Variants in ARHGAP26 observed in about 807,000 individuals in gnomAD.
ARHGAP26 encodes the protein rho GTPase-activating protein 26.
ARHGAP26 carries 38 observed loss-of-function variants against 104.8 expected under a neutral mutation model. That is an observed-to-expected ratio of 0.36 (90% CI 0.28 to 0.48). The LOEUF (loss-of-function observed/expected upper bound fraction) is 0.48. Among genes scored for constraint, ARHGAP26 ranks in the 20% least tolerant of loss-of-function variants. The pLI, the probability that ARHGAP26 is intolerant of heterozygous loss-of-function variation, is 0.99. For synonymous variants in ARHGAP26, 341 were observed against 340.0 expected (o/e 1.00, Z -0.03); for missense variants, 704 against 947.9 (o/e 0.74, Z 3.38).
chr5:142,841,941 G>T (rs1260640911), intron 1 of ARHGAP26, among the ~76,000 whole-genome samples: 2 of 152,182 alleles, frequency 1.3e-5, no homozygotes, highest in African/African-American at 4.8e-5. Context: ...TGGTTTAGGG[G>T]TTCATAGACT....
intron 6 of ARHGAP26, 34 bp from the exon 7 acceptor site, chr5:142,901,901 T>C (rs752819777): frequency 6.3e-7 from 1 of 1,577,406 alleles, no homozygotes; most frequent in Admixed American, 1.7e-5. Flanking sequence ...TTCAACCTGG[T>C]TATGTGACCT....
intron 5 of ARHGAP26, among the ~76,000 whole-genome samples, chr5:142,887,999 CA>C (rs1365649637): frequency 6.6e-6 from 1 of 151,680 alleles, no homozygotes; most frequent in Non-Finnish European, 1.5e-5. Flanking sequence ...AAAAAACAAA[CA>C]AAAAAAAGAA....
At chr5:143,153,007 C>T (rs1800027080) in intron 20 of ARHGAP26, among the ~76,000 whole-genome samples, 1 of 152,092 alleles carries the variant, frequency 6.6e-6, no homozygotes, top group Non-Finnish European at 1.5e-5. Flanking sequence ...TGACACAAGT[C>T]CTGTGAGTTT....
intron 12 of ARHGAP26, among the ~76,000 whole-genome samples, chr5:143,015,832 A>G (rs957628067): frequency 6.6e-6 from 1 of 152,240 alleles, no homozygotes; most frequent in East Asian, 1.9e-4. Context: ...GATAAATCCC[A>G]ATAGATTTGA....
At chr5:143,141,859 G>A (rs1317680631) in intron 19 of ARHGAP26, among the ~76,000 whole-genome samples, 1 of 152,194 alleles carries the variant, frequency 6.6e-6, no homozygotes, top group Non-Finnish European at 1.5e-5. Flanking sequence ...TGGTGTTTTA[G>A]GGCCAGTCTT....
At chr5:143,124,918 A>G (rs1041026754) in intron 18 of ARHGAP26, among the ~76,000 whole-genome samples, 1 of 152,162 alleles carries the variant, frequency 6.6e-6, no homozygotes, top group African/African-American at 2.4e-5. Flanking sequence ...GAGCATGGGT[A>G]GCAACCCAGT....
chr5:142,778,735 A>G (rs79504133), intron 1 of ARHGAP26, among the ~76,000 whole-genome samples: 6,304 of 152,222 alleles, frequency 0.041, 257 homozygotes, highest in African/African-American at 0.1. Context: ...GATTCCTTCA[A>G]GTGGAATGGT....
intron 17 of ARHGAP26, among the ~76,000 whole-genome samples, chr5:143,111,540 T>G (rs1355459690): frequency 6.6e-6 from 1 of 152,214 alleles, no homozygotes; most frequent in African/African-American, 2.4e-5. Context: ...TGGCTCACAG[T>G]AAGTTCTCAG....
intron 11 of ARHGAP26, among the ~76,000 whole-genome samples, chr5:142,941,710 T>C (rs1038862502): frequency 6.6e-6 from 1 of 152,206 alleles, no homozygotes; most frequent in African/African-American, 2.4e-5. Context: ...GAACAATTTC[T>C]CATGAAAATT....
At chr5:143,031,352 A>G (rs1303454269) in intron 12 of ARHGAP26, among the ~76,000 whole-genome samples, 3 of 152,248 alleles carry the variant, frequency 2.0e-5, no homozygotes, top group African/African-American at 7.2e-5. Context: ...AACAAGAAGA[A>G]TAAGAAGACC....
At chr5:143,020,843 T>C (rs1326890450) in intron 12 of ARHGAP26, among the ~76,000 whole-genome samples, 1 of 152,076 alleles carries the variant, frequency 6.6e-6, no homozygotes, top group Non-Finnish European at 1.5e-5. Flanking sequence ...GGTTTCACCG[T>C]GTTAGCCAGG....
At chr5:142,788,953 A>G (rs1446990003) in intron 1 of ARHGAP26, among the ~76,000 whole-genome samples, 1 of 152,250 alleles carries the variant, frequency 6.6e-6, no homozygotes, top group Non-Finnish European at 1.5e-5. Flanking sequence ...CTATTCATTT[A>G]TAGACTAGCA....
At chr5:142,832,867 A>G (rs1768766962) in intron 1 of ARHGAP26, among the ~76,000 whole-genome samples, 1 of 152,234 alleles carries the variant, frequency 6.6e-6, no homozygotes, top group Non-Finnish European at 1.5e-5. Context: ...GGAATAGATT[A>G]TAATATTAAT....
At chr5:142,809,012 A>G (rs1324083650) in intron 1 of ARHGAP26, among the ~76,000 whole-genome samples, 4 of 152,194 alleles carry the variant, frequency 2.6e-5, no homozygotes, top group Non-Finnish European at 4.4e-5. Context: ...AAGTGCCTGT[A>G]TGGCTGGCTG....
intron 11 of ARHGAP26, among the ~76,000 whole-genome samples, chr5:142,981,926 C>G (rs1773993257): frequency 6.6e-6 from 1 of 152,236 alleles, no homozygotes; most frequent in African/African-American, 2.4e-5. Context: ...GCATTTTACT[C>G]TGTAATTTAT....
intron 1 of ARHGAP26, among the ~76,000 whole-genome samples, chr5:142,793,264 TTTTTTTTTTTA>T (rs1033626181): frequency 2.0e-5 from 3 of 150,874 alleles, no homozygotes; most frequent in African/African-American, 7.4e-5. Flanking sequence ...TTTTTTTTTT[TTTTTTTTTTTA>T]ATCTATCTTT....
At chr5:142,971,344 G>A (rs1772243677) in intron 11 of ARHGAP26, among the ~76,000 whole-genome samples, 1 of 152,226 alleles carries the variant, frequency 6.6e-6, no homozygotes, top group South Asian at 2.1e-4. Flanking sequence ...GAGAAGGAAA[G>A]CATCTATATC....
intron 20 of ARHGAP26, among the ~76,000 whole-genome samples, chr5:143,160,702 C>T (rs940502788): frequency 1.2e-4 from 18 of 151,762 alleles, no homozygotes; most frequent in African/African-American, 4.4e-4. Flanking sequence ...CCAGGCTAGT[C>T]CCCTGGATGC....
intron 11 of ARHGAP26, among the ~76,000 whole-genome samples, chr5:142,935,393 G>A (rs1052289595): frequency 6.6e-6 from 1 of 152,160 alleles, no homozygotes; most frequent in African/African-American, 2.4e-5. Context: ...ATGTGGTCGC[G>A]ATTGCAGCTA....
Sources: allele counts gnomAD v4.1 joint callset (sites outside exome capture counted in the v4.1 genomes callset), GRCh38; gene constraint gnomAD v4.1.1; transcripts MANE v1.5; gene names NCBI Gene and HGNC (gene_info 2026-07-23, HGNC 2026-07-21).